Variants in XXYLT1 observed in about 807,000 individuals in gnomAD.
XXYLT1 encodes xyloside xylosyltransferase 1.
XXYLT1 carries 20 observed loss-of-function variants against 28.9 expected under a neutral mutation model. The observed-to-expected ratio is 0.69, with a 90% CI of 0.49 to 1.00. XXYLT1 has a LOEUF of 1.00. Among genes scored for constraint, XXYLT1 ranks in the 50% least tolerant of loss-of-function variants. The pLI is 0.00. For synonymous variants in XXYLT1, 257 were observed against 253.8 expected (o/e 1.01, Z -0.12); for missense variants, 542 against 560.1 (o/e 0.97, Z 0.33).
intron 2 of XXYLT1, among the ~76,000 whole-genome samples, chr3:195,177,526 T>C (rs1056497037): frequency 6.6e-6 from 1 of 152,182 alleles, no homozygotes; most frequent in African/African-American, 2.4e-5. Context: ...GTAGGATCAA[T>C]GCACCAACTC....
At chr3:195,151,967 T>C (rs1345513623) in intron 3 of XXYLT1, among the ~76,000 whole-genome samples, 3 of 152,164 alleles carry the variant, frequency 2.0e-5, no homozygotes, top group Non-Finnish European at 4.4e-5. Flanking sequence ...TATTACTTCA[T>C]TTGAGTTCTC....
intron 2 of XXYLT1, among the ~76,000 whole-genome samples, chr3:195,221,479 G>T (rs1195224447): frequency 1.3e-5 from 2 of 152,230 alleles, no homozygotes; most frequent in Non-Finnish European, 2.9e-5. Context: ...ATTGACTGCA[G>T]GACAGGAGAG....
Position 195,143,821 on chromosome 3 carries a change from GATAT to G in XXYLT1, c.785+12624_785+12627del, listed in dbSNP as rs1302720489. Among the ~76,000 whole-genome samples, 151 of 74,066 alleles carry G rather than the reference GATAT, an allele frequency of 2.0e-3. 6 individuals carry two copies. Among genetic ancestry groups the G allele is most frequent in the South Asian group, 8.7e-3 (14 of 1,610 alleles). 48.6% of individuals were successfully genotyped at this position (74,066 alleles called of 152,430 possible). A position where few individuals can be genotyped will look rare whatever the true frequency, so the allele number is the denominator to read the frequency against. ...ATATAGATAGATATATATAGATATA[GATAT>G]ATATAGATATAGATATAGATATATA... On this transcript the variant is annotated intron_variant, in intron 3 of 3. Transcript: ENST00000310380.
intron 1 of XXYLT1, among the ~76,000 whole-genome samples, chr3:195,247,277 C>G (rs1252706811): frequency 6.6e-6 from 1 of 152,182 alleles, no homozygotes; most frequent in Non-Finnish European, 1.5e-5. Flanking sequence ...TCACAGTCCA[C>G]GTATTCACCA....
At chr3:195,198,731 T>A (rs892570575) in intron 2 of XXYLT1, among the ~76,000 whole-genome samples, 2 of 152,196 alleles carry the variant, frequency 1.3e-5, no homozygotes, top group African/African-American at 4.8e-5. Context: ...AACCTTCAAC[T>A]ATGAACACCT....
rs919218481 is a variant in XXYLT1 at position 195,077,165 on chromosome 3, G to A, written c.786-7054C>T. On this transcript the variant is annotated intron_variant, in intron 3 of 3. Transcript: ENST00000310380. This position sits in a 1 kb window ranked among gnomAD's most constrained non-coding sequence, Gnocchi z 4.8. ...GACAGAATGACCCACAGTGGGCGGG[G>A]CAGCCTCTGTCCAGGGAAAGGCAGG... 3.9e-5 allele frequency among the ~76,000 whole-genome samples: 6 copies of A among 152,320 alleles called. No individual in the cohort carries two copies. The highest frequency in any genetic ancestry group is 2.1e-4 in the South Asian group (1 of 4,826).
chr3:195,151,815 G>T (rs1303497667), intron 3 of XXYLT1, among the ~76,000 whole-genome samples: 1 of 139,230 alleles, frequency 7.2e-6, no homozygotes, highest in Non-Finnish European at 1.6e-5. Flanking sequence ...GGGAGGGATT[G>T]ATTAGGAGAA....
chr3:195,207,199 C>T (rs1723111656), intron 2 of XXYLT1, among the ~76,000 whole-genome samples: 2 of 152,160 alleles, frequency 1.3e-5, no homozygotes, highest in African/African-American at 2.4e-5. Flanking sequence ...GCCTGCAGGT[C>T]CCATGTTGTT....
At chr3:195,113,837 A>C (rs78633113) in intron 3 of XXYLT1, among the ~76,000 whole-genome samples, 4,454 of 152,230 alleles carry the variant, frequency 0.029, 107 homozygotes, top group Middle Eastern at 0.11. Context: ...ATAGTGCCAG[A>C]GGGTGCTCCT....
At chr3:195,207,175 G>C (rs956243170) in intron 2 of XXYLT1, among the ~76,000 whole-genome samples, 1 of 152,184 alleles carries the variant, frequency 6.6e-6, no homozygotes, top group Non-Finnish European at 1.5e-5. Context: ...TCTGAGGAGC[G>C]CCTGGGGCAT....
chr3:195,220,879 T>C (rs917018651), intron 2 of XXYLT1, among the ~76,000 whole-genome samples: 1 of 152,128 alleles, frequency 6.6e-6, no homozygotes, highest in African/African-American at 2.4e-5. Context: ...ATGGATGACA[T>C]AGAGTGACTT....
intron 1 of XXYLT1, among the ~76,000 whole-genome samples, chr3:195,243,837 T>C (rs74288787): frequency 0.03 from 4,534 of 152,306 alleles, 140 homozygotes; most frequent in East Asian, 0.1. Flanking sequence ...CATGTGACGA[T>C]TATCGCTTCT....
rs919851544 is a variant in XXYLT1 at position 195,143,955 on chromosome 3, G to A, written c.785+12494C>T. 2.7e-5 allele frequency among the ~76,000 whole-genome samples: 4 copies of A among 146,392 alleles called. 1 individual carries two copies. Among genetic ancestry groups the A allele is most frequent in the Non-Finnish European group, 6.0e-5 (4 of 66,692 alleles). ...CTGTCATCCAGGCTGGAGTGCAAGG[G>A]CGAGATCTTGGCTCACTGCAACCTC... On this transcript the variant is annotated intron_variant, in intron 3 of 3. Transcript: ENST00000310380.
At position 195,069,433 on chromosome 3, in the gene XXYLT1, CCTTCTCTTCAAGTGCTTG is replaced by C; in HGVS notation, c.*264_*281del. The C allele has an allele frequency of 2.4e-6, 1 of 413,804 alleles. No homozygotes were observed. Among genetic ancestry groups the C allele is most frequent in the East Asian group, 3.7e-5 (1 of 26,944 alleles). 25.6% of individuals were successfully genotyped at this position (413,804 alleles called of 1,614,324 possible). On this transcript the variant is annotated 3_prime_UTR_variant, in exon 4 of 4. Coordinates refer to ENST00000310380, the MANE Select transcript of XXYLT1 (RefSeq NM_152531.5). ...AGCAAGGGGGACCCTTTCTCCCCTT[CCTTCTCTTCAAGTGCTTG>C]CTTCCCAGCCCACTGGACATGCGTG...
chr3:195,221,885 G>A (rs1577164519), intron 2 of XXYLT1, among the ~76,000 whole-genome samples: 1 of 152,268 alleles, frequency 6.6e-6, no homozygotes, highest in Non-Finnish European at 1.5e-5. Context: ...AGGCAAGCAT[G>A]AGCAGCGAGA....
At chr3:195,151,461 C>G (rs1464763333) in intron 3 of XXYLT1, among the ~76,000 whole-genome samples, 1 of 151,938 alleles carries the variant, frequency 6.6e-6, no homozygotes, top group Non-Finnish European at 1.5e-5. Flanking sequence ...ACCTGGGAGG[C>G]GGTGGCTGCA....
At position 195,180,326 on chromosome 3, in the gene XXYLT1, G is replaced by C; in HGVS notation, c.653-23745C>G. ...TGGGGACCCAACTCATGAGGGCCCA[G>C]AAGGAAGGAGCCACAAAGGTCTGGA... On this transcript the variant is annotated intron_variant, in intron 2 of 3. Coordinates refer to ENST00000310380, the MANE Select transcript of XXYLT1 (RefSeq NM_152531.5). The surrounding 1 kb of genome is among the most constrained non-coding windows in gnomAD (Gnocchi z 5.8). 1 of 985,468 alleles carries C rather than the reference G, an allele frequency of 1.0e-6. No individual in the cohort carries two copies. The highest frequency in any genetic ancestry group is 1.2e-6 in the Non-Finnish European group (1 of 829,944). The allele number at this position is 985,468 out of a possible 1,614,324, so 61.0% of individuals were successfully genotyped here.
Position 195,069,395 on chromosome 3 carries a change from C to T in XXYLT1, c.*320G>A. On this transcript the variant is annotated 3_prime_UTR_variant, in exon 4 of 4. Transcript: ENST00000310380. ...GGCCGGGTCTAAAGGATTTCCATTC[C>T]TCAGAGGCAGACAGCAAGGGGGACC... 3.0e-6 allele frequency: 1 copy of T among 328,846 alleles called. No homozygotes were observed. Among genetic ancestry groups the T allele is most frequent in the East Asian group, 5.1e-5 (1 of 19,730 alleles). 20.4% of individuals were successfully genotyped at this position (328,846 alleles called of 1,614,324 possible).
At chr3:195,104,927 G>A (rs1405368805) in intron 3 of XXYLT1, among the ~76,000 whole-genome samples, 1 of 152,196 alleles carries the variant, frequency 6.6e-6, no homozygotes. Flanking sequence ...CTAGCTACAA[G>A]CCAGAATCAC....
Sources: gnomAD v4.1 joint callset for allele counts (sites outside exome capture counted in the v4.1 genomes callset) on GRCh38, gnomAD v4.1.1 for gene constraint, Gnocchi (gnomAD v3.1) non-coding constraint, MANE v1.5 for transcripts, NCBI Gene and HGNC (gene_info 2026-07-23, HGNC 2026-07-21) for gene names.